Variants in RBFOX1 observed in about 807,000 individuals in gnomAD.
The protein encoded by RBFOX1 is RNA binding fox-1 homolog 1.
Under a neutral mutation model 57.7 loss-of-function variants are expected in RBFOX1, and 8 were observed. The observed-to-expected ratio is 0.14, with a 90% CI of 0.08 to 0.25. RBFOX1 has a LOEUF of 0.25. RBFOX1 is among the 10% of genes least tolerant of loss of function. The pLI, the probability that RBFOX1 is intolerant of heterozygous loss-of-function variation, is 1.00. For missense variants in RBFOX1, 611 were observed against 548.5 expected, an observed-to-expected ratio of 1.11 and a Z score of -1.14; for synonymous variants, 326 against 222.4, an observed-to-expected ratio of 1.47 and a Z score of -4.15.
intron 1 of RBFOX1, among the ~76,000 whole-genome samples, chr16:5,407,689 C>T (rs1388887366): frequency 6.6e-6 from 1 of 152,168 alleles, no homozygotes; most frequent in African/African-American, 2.4e-5. Flanking sequence ...GCTGGGATTA[C>T]AGGGACCCAC....
rs559922422 is a variant in RBFOX1 at position 6,234,033 on chromosome 16, C to T, written c.-126-82962C>T. On this transcript the variant is annotated intron_variant, in intron 1 of 15. Coordinates refer to ENST00000550418, the MANE Select transcript of RBFOX1 (RefSeq NM_018723.4). ...TGCATCCTCTGGAGGGGAAGAATGCCGTGTCCTCACATGGCAGATGGGCAG... is the reference window on the plus strand; with the variant it reads ...TGCATCCTCTGGAGGGGAAGAATGCTGTGTCCTCACATGGCAGATGGGCAG... Among the ~76,000 whole-genome samples, 35 of 152,168 alleles carry T rather than the reference C, an allele frequency of 2.3e-4. No individual in the cohort carries two copies. The South Asian group carries it at 5.4e-3, about 23-fold the overall frequency.
At chr16:6,208,103 A>AT (rs1430606512) in intron 1 of RBFOX1, among the ~76,000 whole-genome samples, 1 of 152,020 alleles carries the variant, frequency 6.6e-6, no homozygotes, top group East Asian at 1.9e-4. Context: ...ATTTCTCTGC[A>AT]TAAAAACTAA....
intron 1 of RBFOX1, among the ~76,000 whole-genome samples, chr16:5,349,336 C>T (rs575587038): frequency 7.2e-5 from 11 of 152,264 alleles, no homozygotes; most frequent in Admixed American, 2.0e-4. Context: ...GTTGTAAATG[C>T]TGTACAACAT....
chr16:6,964,102 TC>T (rs2083581810), intron 3 of RBFOX1, among the ~76,000 whole-genome samples: 1 of 152,024 alleles, frequency 6.6e-6, no homozygotes, highest in East Asian at 1.9e-4. Flanking sequence ...CACTGCAACC[TC>T]CGCCTCCCGA....
At chr16:6,291,631 C>A (rs1006026397) in intron 1 of RBFOX1, among the ~76,000 whole-genome samples, 1 of 152,162 alleles carries the variant, frequency 6.6e-6, no homozygotes, top group Non-Finnish European at 1.5e-5. Context: ...AATGCATATC[C>A]AATGGCATCC....
intron 3 of RBFOX1, among the ~76,000 whole-genome samples, chr16:7,015,126 A>T (rs999649769): frequency 1.4e-4 from 21 of 152,188 alleles, no homozygotes; most frequent in African/African-American, 4.8e-4. Context: ...GTTAAGGGTC[A>T]GTTCATGTTC....
At chr16:6,670,120 C>T (rs913990940) in intron 3 of RBFOX1, among the ~76,000 whole-genome samples, 2 of 152,088 alleles carry the variant, frequency 1.3e-5, no homozygotes, top group Non-Finnish European at 2.9e-5. Flanking sequence ...CTCCTGGGCA[C>T]AAGTAGTTAT....
chr16:6,612,863 A>ATAATAAT lies in RBFOX1; in HGVS notation c.-63-41740_-63-41739insTAATAAT, dbSNP rs756951700. 1.1e-3 allele frequency among the ~76,000 whole-genome samples: 141 copies of ATAATAAT among 132,236 alleles called. 1 individual carries two copies. The highest frequency in any genetic ancestry group is 3.7e-3 in the African/African-American group (127 of 34,466). The allele number at this position is 132,236 out of a possible 152,430, so 86.8% of individuals were successfully genotyped here. On this transcript the variant is annotated intron_variant, in intron 2 of 15. Coordinates refer to ENST00000550418, the MANE Select transcript of RBFOX1 (RefSeq NM_018723.4). ...AGACTCTCTCTCAAAAAAAAAAAAA[A>ATAATAAT]AATAATAATAATAATATTTGTTTGT... is the stretch of plus-strand genomic sequence containing the variant.
At chr16:7,382,372 C>G (rs1046406176) in intron 4 of RBFOX1, among the ~76,000 whole-genome samples, 1 of 152,160 alleles carries the variant, frequency 6.6e-6, no homozygotes, top group Non-Finnish European at 1.5e-5. Flanking sequence ...TTAAGCTGCT[C>G]TGGAATGTAT....
chr16:6,995,727 C>A (rs982667191), intron 3 of RBFOX1, among the ~76,000 whole-genome samples: 6 of 152,130 alleles, frequency 3.9e-5, no homozygotes, highest in African/African-American at 1.2e-4. Context: ...TGCCACCGCA[C>A]TGCAGCCTGG....
intron 4 of RBFOX1, among the ~76,000 whole-genome samples, chr16:5,879,610 G>A (rs922788187): frequency 3.3e-5 from 5 of 152,170 alleles, no homozygotes; most frequent in Admixed American, 1.3e-4. Flanking sequence ...GATTATAGGC[G>A]TGAGCCACCA....
At chr16:5,465,894 A>C (rs2068937611) in intron 1 of RBFOX1, among the ~76,000 whole-genome samples, 1 of 152,174 alleles carries the variant, frequency 6.6e-6, no homozygotes, top group Non-Finnish European at 1.5e-5. Flanking sequence ...CTTGGGCAGC[A>C]GAGCAGAGCT....
intron 4 of RBFOX1, among the ~76,000 whole-genome samples, chr16:7,334,112 A>C (rs546604589): frequency 6.6e-6 from 1 of 152,234 alleles, no homozygotes; most frequent in South Asian, 2.1e-4. Flanking sequence ...CATTCTGGTC[A>C]CTTTTCCCCC....
chr16:7,038,186 A>G (rs1313824069), intron 3 of RBFOX1, among the ~76,000 whole-genome samples: 1 of 152,096 alleles, frequency 6.6e-6, no homozygotes, highest in East Asian at 1.9e-4. Flanking sequence ...GCTATAGGGT[A>G]ACGATGGTCC....
chr16:6,551,864 G>T (rs143432548), intron 2 of RBFOX1, among the ~76,000 whole-genome samples: 234 of 152,266 alleles, frequency 1.5e-3, no homozygotes, highest in African/African-American at 5.4e-3. Context: ...CAGTGCGTTG[G>T]TCATTTCAGA....
intron 1 of RBFOX1, among the ~76,000 whole-genome samples, chr16:6,188,807 A>G (rs1047558363): frequency 6.6e-6 from 1 of 152,192 alleles, no homozygotes; most frequent in Non-Finnish European, 1.5e-5. Flanking sequence ...TACCGCTGAT[A>G]CTTTGAAGCA....
chr16:6,979,465 G>A (rs960376666), intron 3 of RBFOX1, among the ~76,000 whole-genome samples: 1 of 152,134 alleles, frequency 6.6e-6, no homozygotes, highest in African/African-American at 2.4e-5. Context: ...TACAGCATCT[G>A]TTCTTCCCCC....
chr16:6,829,210 A>G (rs1410586436), intron 3 of RBFOX1, among the ~76,000 whole-genome samples: 1 of 151,174 alleles, frequency 6.6e-6, no homozygotes, highest in African/African-American at 2.4e-5. Context: ...GACCCAAAAG[A>G]AAAGCATTTT....
At chr16:6,294,685 T>G (rs1218903391) in intron 1 of RBFOX1, among the ~76,000 whole-genome samples, 2 of 152,186 alleles carry the variant, frequency 1.3e-5, no homozygotes, top group Non-Finnish European at 2.9e-5. Context: ...TTAATGCAAG[T>G]TTAGAAAATT....
Sources: gnomAD v4.1 joint callset for allele counts (sites outside exome capture counted in the v4.1 genomes callset) on GRCh38, gnomAD v4.1.1 for gene constraint, MANE v1.5 for transcripts, NCBI Gene and HGNC (gene_info 2026-07-23, HGNC 2026-07-21) for gene names.